The following ANKS1B variants were observed in gnomAD, a reference collection of about 807,000 sequenced individuals.
ANKS1B encodes the protein ankyrin repeat and sterile alpha motif domain containing 1B.
Under a neutral mutation model 148.3 loss-of-function variants are expected in ANKS1B, and 36 were observed. The ratio of observed to expected loss-of-function variants is 0.24; its 90% confidence interval spans 0.19 to 0.32. The LOEUF is 0.32. Among genes scored for constraint, ANKS1B ranks in the 10% least tolerant of loss-of-function variants. The pLI is 1.00. For synonymous variants in ANKS1B, 542 were observed against 560.8 expected (o/e 0.97, Z 0.47); for missense variants, 1,157 against 1,542.6 (o/e 0.75, Z 4.19).
intron 12 of ANKS1B, among the ~76,000 whole-genome samples, chr12:99,310,195 C>T (rs1484254500): frequency 6.6e-6 from 1 of 152,124 alleles, no homozygotes; most frequent in Non-Finnish European, 1.5e-5. Flanking sequence ...GTTTTCAACT[C>T]ATGCTCAAAA....
chr12:98,883,094 A>AAT (rs1403494178), intron 17 of ANKS1B, among the ~76,000 whole-genome samples: 1 of 152,164 alleles, frequency 6.6e-6, no homozygotes, highest in Non-Finnish European at 1.5e-5. Context: ...TACTTGTTTA[A>AAT]ATACAATAAA....
chr12:98,925,165 A>G (rs1382069214), intron 17 of ANKS1B, among the ~76,000 whole-genome samples: 1 of 152,186 alleles, frequency 6.6e-6, no homozygotes, highest in Non-Finnish European at 1.5e-5. Context: ...GGAAGAGGAC[A>G]TTTCTTAAAG....
At chr12:99,254,515 C>A (rs1034800921) in intron 12 of ANKS1B, among the ~76,000 whole-genome samples, 1 of 152,150 alleles carries the variant, frequency 6.6e-6, no homozygotes, top group Non-Finnish European at 1.5e-5. Flanking sequence ...AGAAGAAAGT[C>A]ATATGTCTAA....
chr12:99,898,429 C>G (rs968673108), intron 1 of ANKS1B, among the ~76,000 whole-genome samples: 2 of 152,112 alleles, frequency 1.3e-5, no homozygotes, highest in Non-Finnish European at 2.9e-5. Context: ...AAAACCTTCC[C>G]CAAGGAACAG....
intron 11 of ANKS1B, among the ~76,000 whole-genome samples, chr12:99,416,234 G>C (rs906424855): frequency 2.6e-5 from 4 of 152,096 alleles, no homozygotes; most frequent in Admixed American, 6.5e-5. Flanking sequence ...TCAATGACAT[G>C]GATGTTTAAC....
At chr12:99,268,993 G>A (rs2076740793) in intron 12 of ANKS1B, among the ~76,000 whole-genome samples, 1 of 152,150 alleles carries the variant, frequency 6.6e-6, no homozygotes, top group Non-Finnish European at 1.5e-5. Flanking sequence ...GGTGTCATTG[G>A]TTGTATTGTG....
At chr12:99,752,864 C>T (rs745644777) in intron 8 of ANKS1B, among the ~76,000 whole-genome samples, 1 of 151,930 alleles carries the variant, frequency 6.6e-6, no homozygotes, top group Non-Finnish European at 1.5e-5. Flanking sequence ...TTTTATATTT[C>T]ATTGCCATTA....
intron 17 of ANKS1B, among the ~76,000 whole-genome samples, chr12:99,005,103 A>G (rs1266569461): frequency 2.0e-5 from 3 of 152,212 alleles, no homozygotes; most frequent in Non-Finnish European, 4.4e-5. Flanking sequence ...AAACGAGAAA[A>G]TGAAAAGGAG....
At chr12:99,611,719 A>G (rs2097904109) in intron 9 of ANKS1B, among the ~76,000 whole-genome samples, 1 of 152,088 alleles carries the variant, frequency 6.6e-6, no homozygotes, top group African/African-American at 2.4e-5. Context: ...TAGAGCTTTT[A>G]TGCAGGCATT....
chr12:99,522,541 A>G (rs756519252), intron 9 of ANKS1B, among the ~76,000 whole-genome samples: 12 of 152,222 alleles, frequency 7.9e-5, no homozygotes, highest in African/African-American at 1.7e-4. Flanking sequence ...TGTGTTTTCT[A>G]TAACATTTAA....
chr12:99,514,969 T>C (rs984821511), intron 9 of ANKS1B, among the ~76,000 whole-genome samples: 2 of 151,928 alleles, frequency 1.3e-5, no homozygotes, highest in East Asian at 1.9e-4. Context: ...AATAGATTAG[T>C]AGTTTTTGCT....
chr12:99,092,071 T>G (rs2054197624), intron 15 of ANKS1B, among the ~76,000 whole-genome samples: 1 of 152,182 alleles, frequency 6.6e-6, no homozygotes, highest in Non-Finnish European at 1.5e-5. Flanking sequence ...TCTGGCCTAA[T>G]CTTCCCTGCT....
intron 19 of ANKS1B, among the ~76,000 whole-genome samples, chr12:98,810,798 A>T (rs559275315): frequency 6.6e-6 from 1 of 152,356 alleles, no homozygotes; most frequent in South Asian, 2.1e-4. Context: ...ACTTTGAGTC[A>T]TGAAGACTCC....
intron 17 of ANKS1B, among the ~76,000 whole-genome samples, chr12:98,898,408 C>T (rs549813638): frequency 6.6e-6 from 1 of 152,108 alleles, no homozygotes; most frequent in Admixed American, 6.5e-5. Flanking sequence ...ACTAAAATAG[C>T]CCCTATTCAT....
chr12:98,893,178 T>A (rs1159624367), intron 17 of ANKS1B, among the ~76,000 whole-genome samples: 1 of 152,094 alleles, frequency 6.6e-6, no homozygotes, highest in East Asian at 1.9e-4. Flanking sequence ...TTCTTCTCTA[T>A]CTGAGTCCAA....
chr12:99,009,841 CAA>C (rs150905224), intron 17 of ANKS1B, among the ~76,000 whole-genome samples: 4,535 of 133,324 alleles, frequency 0.034, 154 homozygotes, highest in African/African-American at 0.083. Context: ...GTCATCTATG[CAA>C]AAAAAAAAAA....
chr12:98,965,215 T>TG (rs1325402225), intron 17 of ANKS1B, among the ~76,000 whole-genome samples: 1 of 152,236 alleles, frequency 6.6e-6, no homozygotes, highest in African/African-American at 2.4e-5. Flanking sequence ...ATCGTGATCC[T>TG]GGCTTCATGG....
At chr12:99,412,920 C>A (rs2094764472) in intron 11 of ANKS1B, among the ~76,000 whole-genome samples, 1 of 152,094 alleles carries the variant, frequency 6.6e-6, no homozygotes, top group Non-Finnish European at 1.5e-5. Flanking sequence ...AAATGGAAAA[C>A]AATTTTAAGT....
intron 15 of ANKS1B, among the ~76,000 whole-genome samples, chr12:99,101,461 G>A (rs963551489): frequency 3.3e-5 from 5 of 152,236 alleles, no homozygotes; most frequent in African/African-American, 1.2e-4. Context: ...TAGAAGACAA[G>A]TGTTAAGAAT....
Sources: gnomAD v4.1 joint callset for allele counts (sites outside exome capture counted in the v4.1 genomes callset) on GRCh38, gnomAD v4.1.1 for gene constraint, MANE v1.5 for transcripts, NCBI Gene and HGNC (gene_info 2026-07-23, HGNC 2026-07-21) for gene names.